Variants in LTBP3 observed in about 807,000 individuals in gnomAD.
The protein encoded by LTBP3 is latent-transforming growth factor beta-binding protein 3.
Under a neutral mutation model 159.7 loss-of-function variants are expected in LTBP3, and 97 were observed. That is an observed-to-expected ratio of 0.61 (90% CI 0.52 to 0.72). LTBP3 has a LOEUF of 0.72. Ranked by LOEUF, LTBP3 falls within the 30% of genes least tolerant of loss-of-function variation. The pLI, the probability that LTBP3 is intolerant of heterozygous loss-of-function variation, is 0.00. For synonymous variants in LTBP3, 824 were observed against 777.1 expected (o/e 1.06, Z -1.00); for missense variants, 1,584 against 1,864.3 (o/e 0.85, Z 2.77).
In LTBP3 at chr11:65,558,268, C is replaced by A; in HGVS notation, c.-309G>T. ...AGGAGCGAGGGAGAGGAAGGCCGGG[C>A]GGCCGGCCCGCTCCGCGCCTCCCCC... On this transcript the variant is annotated 5_prime_UTR_variant, in exon 1 of 28. Coordinates refer to ENST00000301873, the MANE Select transcript of LTBP3 (RefSeq NM_001130144.3). 2 of 983,244 alleles carry A rather than the reference C, an allele frequency of 2.0e-6. No homozygotes were observed. Among genetic ancestry groups the A allele is most frequent in the Non-Finnish European group, 2.5e-6 (2 of 813,896 alleles). 60.9% of individuals were successfully genotyped at this position (983,244 alleles called of 1,614,324 possible).
Position 65,543,254 on chromosome 11 carries a change from C to G in LTBP3, c.2477-30G>C, listed in dbSNP as rs375376882. ...AGGGGATGGAAGGGGTGGAGAATCT[C>G]AGGGGCTGATCACCAACCCCAGCCT... On this transcript the variant is annotated intron_variant, in intron 17 of 27. Coordinates refer to ENST00000301873, the MANE Select transcript of LTBP3 (RefSeq NM_001130144.3). The G allele has an allele frequency of 1.3e-5, 21 of 1,613,912 alleles. No individual in the cohort carries two copies. In the African/African-American group the frequency reaches 2.7e-4, roughly 20 times the overall value.
Position 65,547,403 on chromosome 11 carries a change from G to C in LTBP3, c.2107+36C>G, listed in dbSNP as rs752696251. On this transcript the variant is annotated intron_variant, in intron 14 of 27. Transcript: ENST00000301873. The surrounding 1 kb of genome is among the most constrained non-coding windows in gnomAD (Gnocchi z 4.6). ...CCACCCCAGGTGGAGAGACAGCTAA[G>C]GAGCTCCTTCTTTGGTCTGAATGGG... The C allele has an allele frequency of 6.2e-7, 1 of 1,609,250 alleles. No homozygotes were observed. The highest frequency in any genetic ancestry group is 8.5e-7 in the Non-Finnish European group (1 of 1,179,680).
At chr11:65,542,748 G>A in intron 18 of LTBP3, 1 of 344,018 alleles carries the variant, frequency 2.9e-6, no homozygotes, top group Non-Finnish European at 5.7e-6. Flanking sequence ...TGAGTTGATG[G>A]GGAAGACCAA....
At chr11:65,541,001 G>A (rs749754631) in intron 20 of LTBP3, 47 bp from the exon 21 acceptor site, 5 of 1,592,758 alleles carry the variant, frequency 3.1e-6, no homozygotes, top group Non-Finnish European at 4.3e-6. Context: ...AGGACTGAGC[G>A]CGCGCGTGGG....
At position 65,546,477 on chromosome 11, in the gene LTBP3, C is replaced by T. The variant is rs1463322115; in HGVS notation, c.2318G>A (p.Gly773Asp). Residue 773 changes from glycine to aspartate, a missense_variant, in exon 16 of 28, where the codon GGC (glycine) becomes GAC (aspartate). Gly to Asp is a moderately conservative substitution (Grantham distance 94). Around this residue, in one of 6 missense-constraint regions of LTBP3, gnomAD observed 565 missense variants for 677.7 expected, o/e 0.83. Transcript: ENST00000301873. This position sits in a 1 kb window ranked among gnomAD's most constrained non-coding sequence, Gnocchi z 4.0. ...PGSFRCTCAQ[G>D]YAPAPDGRSC... The stretch of plus-strand genomic sequence containing the variant: ...GCGGCCGTCGGGCGCGGGCGCGTAG[C>T]CCTGGGCACAGGTGCAGCGGAAGGA... The T allele has an allele frequency of 1.9e-6, 3 of 1,591,104 alleles. No homozygotes were observed. The African/African-American group carries it at 4.0e-5, about 21-fold the overall frequency.
intron 1 of LTBP3, among the ~76,000 whole-genome samples, 177 bp downstream of exon 1, chr11:65,557,452 T>A (rs536681621): frequency 6.6e-6 from 1 of 151,836 alleles, no homozygotes; most frequent in African/African-American, 2.4e-5. Context: ...GCCCTCCAAC[T>A]CTGGCCCCCA....
At chr11:65,551,908 C>A in intron 8 of LTBP3, 64 bp downstream of exon 8, 2 of 1,550,778 alleles carry the variant, frequency 1.3e-6, no homozygotes, top group Non-Finnish European at 1.8e-6. Flanking sequence ...CTGTGGATCA[C>A]GGGTCAAGGG....
intron 26 of LTBP3, 28 bp downstream of exon 26, chr11:65,539,520 C>A: frequency 6.2e-7 from 1 of 1,607,070 alleles, no homozygotes. Context: ...CTACCAACCC[C>A]GCCACCGCCC....
intron 18 of LTBP3, chr11:65,542,818 G>A (rs1245011701): frequency 4.6e-6 from 2 of 435,662 alleles, no homozygotes; most frequent in Non-Finnish European, 8.7e-6. Context: ...CACCACGATA[G>A]CACTAACTGT....
chr11:65,551,308 C>G (rs1427917467), intron 10 of LTBP3, 84 bp from the exon 11 acceptor site: 3 of 1,543,714 alleles, frequency 1.9e-6, no homozygotes, highest in Non-Finnish European at 2.6e-6. Context: ...GCGCCCCACC[C>G]CAGCTTGACT....
intron 8 of LTBP3, 70 bp from the exon 9 acceptor site, chr11:65,551,634 CT>C: frequency 6.3e-7 from 1 of 1,595,836 alleles, no homozygotes; most frequent in Middle Eastern, 1.7e-4. Context: ...GGATCAGCAG[CT>C]GAGTATTTGC....
Position 65,539,233 on chromosome 11 carries a change from T to C in LTBP3, c.3761-2A>G. ...TCAGCTCTCGGCACTCGTCGATATC[T>C]GAAGGTGAGGGCGACAGGTGCGGCT... On this transcript the variant is annotated splice_acceptor_variant, in intron 27 of 27. Transcript: ENST00000301873. LOFTEE classifies it high-confidence loss of function. 1 of 1,526,558 alleles carries C rather than the reference T, an allele frequency of 6.6e-7. No individual in the cohort carries two copies. Among genetic ancestry groups the C allele is most frequent in the Non-Finnish European group, 8.8e-7 (1 of 1,132,748 alleles). 94.6% of individuals were successfully genotyped at this position (1,526,558 alleles called of 1,614,324 possible).
intron 16 of LTBP3, chr11:65,545,517 C>T (rs984365823): frequency 1.7e-5 from 4 of 231,604 alleles, no homozygotes; most frequent in Admixed American, 1.7e-4. Flanking sequence ...CTCACTCACC[C>T]AAACTGGAAA....
chr11:65,539,615 C>G lies in LTBP3; in HGVS notation c.3561G>C (p.Pro1187=), dbSNP rs758226823. 4.3e-5 allele frequency: 69 copies of G among 1,611,100 alleles called. No homozygotes were observed. The highest frequency in any genetic ancestry group is 5.9e-5 in the Non-Finnish European group (69 of 1,179,012). The part of the protein sequence containing the change: ...CPPRGAGSHC[P]TSQSESNSFW... ...AGGAATTGCTCTCGCTCTGCGATGT[C>G]GGGCAATGGGACCCTGGGAGGAGCA... is the stretch of plus-strand genomic sequence containing the variant. The change falls in exon 26 of 28, where the codon CCG becomes CCC. Residue 1187 remains proline (P), a synonymous_variant. Coordinates refer to ENST00000301873, the MANE Select transcript of LTBP3 (RefSeq NM_001130144.3).
Position 65,547,787 on chromosome 11 carries a change from C to G in LTBP3, c.1881G>C (p.Pro627=). The G allele has an allele frequency of 6.2e-7, 1 of 1,612,904 alleles. No homozygotes were observed. The highest frequency in any genetic ancestry group is 8.5e-7 in the Non-Finnish European group (1 of 1,179,758). ...VNECEAEPCG[P]GRGICMNTGG... ...CGGTGTTCATGCAGATGCCCCTCCCCGGGCCACAGGGCTCTGCCTCGCACT... is the reference window on the plus strand; with the variant it reads ...CGGTGTTCATGCAGATGCCCCTCCCGGGGCCACAGGGCTCTGCCTCGCACT... Residue 627 remains proline, a synonymous_variant, in exon 13 of 28, where the codon CCG becomes CCC. Coordinates refer to ENST00000301873, the MANE Select transcript of LTBP3 (RefSeq NM_001130144.3). This position sits in a 1 kb window ranked among gnomAD's most constrained non-coding sequence, Gnocchi z 4.6.
chr11:65,539,743 C>T lies in LTBP3; in HGVS notation c.3524G>A (p.Arg1175Gln). 5.2e-6 allele frequency: 8 copies of T among 1,543,962 alleles called. No individual in the cohort carries two copies. Among genetic ancestry groups the T allele is most frequent in the Non-Finnish European group, 6.9e-6 (8 of 1,152,088 alleles). ...ACCCGCGCCGCGCGGCGGGCACGGT[C>T]GGCATTGGGCGCCCCAGCCGCGGCC... ...RQGRGWGAQCRPCPPRGAGSH... is the reference protein window; with the variant it reads ...RQGRGWGAQCQPCPPRGAGSH... The change falls in exon 25 of 28, where the codon CGA (arginine) becomes CAA (glutamine). Residue 1175 changes from arginine (R) to glutamine (Q), a missense_variant. By Grantham distance (43) the Arg-to-Gln change is conservative. Around this residue, in one of 6 missense-constraint regions of LTBP3, gnomAD observed 514 missense variants for 530.3 expected, o/e 0.97. Coordinates refer to ENST00000301873, the MANE Select transcript of LTBP3 (RefSeq NM_001130144.3).
In LTBP3 at chr11:65,546,458, G is replaced by A; in HGVS notation, c.2337C>T (p.Asp779=). The A allele has an allele frequency of 1.3e-6, 2 of 1,572,742 alleles. No individual in the cohort carries two copies. The highest frequency in any genetic ancestry group is 3.6e-5 in the Admixed American group (2 of 55,454). ...GGCGCTCACCCAAGCAACTGCGGCC[G>A]TCGGGCGCGGGCGCGTAGCCCTGGG... ...TCAQGYAPAP[D]GRSCLDVDEC... Residue 779 remains aspartate, a synonymous_variant, in exon 16 of 28, where the codon GAC becomes GAT. Coordinates refer to ENST00000301873, the MANE Select transcript of LTBP3 (RefSeq NM_001130144.3). The surrounding 1 kb of genome is among the most constrained non-coding windows in gnomAD (Gnocchi z 4.0).
chr11:65,548,364 C>T, intron 11 of LTBP3: 1 of 582,404 alleles, frequency 1.7e-6, no homozygotes, highest in Non-Finnish European at 3.1e-6. Context: ...CCTCAGTCGT[C>T]CCAGTACTCC....
chr11:65,540,626 C>G lies in LTBP3; in HGVS notation c.2978-12G>C, dbSNP rs774103463. 3 of 1,597,772 alleles carry G rather than the reference C, an allele frequency of 1.9e-6. No individual in the cohort carries two copies. Among genetic ancestry groups the G allele is most frequent in the Non-Finnish European group, 2.6e-6 (3 of 1,171,170 alleles). Reference sequence around the variant, plus strand: ...GCACTCGTCGATGTCTGCGGGGTGACAAACACTGGCCGCTCCGGTCCCGCA... The same window carrying G: ...GCACTCGTCGATGTCTGCGGGGTGAGAAACACTGGCCGCTCCGGTCCCGCA... On this transcript the variant is annotated splice_polypyrimidine_tract_variant and intron_variant, in intron 21 of 27. Transcript: ENST00000301873.
Sources: gnomAD v4.1 joint callset for allele counts (sites outside exome capture counted in the v4.1 genomes callset) on GRCh38, gnomAD v4.1.1 for gene constraint, gnomAD v4.1.1 regional missense constraint, Gnocchi (gnomAD v3.1) non-coding constraint, MANE v1.5 for transcripts, NCBI Gene and HGNC (gene_info 2026-07-23, HGNC 2026-07-21) for gene names.